Variants in KCND2 observed in about 807,000 individuals in gnomAD.
KCND2 encodes the protein A-type voltage-gated potassium channel KCND2.
In KCND2, 16 loss-of-function variants were observed where a neutral mutation model predicts 54.4. The ratio of observed to expected loss-of-function variants is 0.29; its 90% CI spans 0.20 to 0.45. KCND2 has a LOEUF of 0.45. Among genes scored for constraint, KCND2 ranks in the 20% least tolerant of loss-of-function variants. The probability of loss-of-function intolerance (pLI) is 1.00; values close to 1 mark genes in which losing one functional copy is unlikely to be tolerated. For missense variants in KCND2, 486 were observed against 824.2 expected (o/e 0.59, Z 5.02); for synonymous variants, 317 against 310.7 (o/e 1.02, Z -0.21).
intron 1 of KCND2, among the ~76,000 whole-genome samples, chr7:120,286,093 T>C (rs1799338010): frequency 6.6e-6 from 1 of 151,914 alleles, no homozygotes; most frequent in African/African-American, 2.4e-5. Context: ...ATACACTATA[T>C]TAAGCAAAAA....
intron 1 of KCND2, among the ~76,000 whole-genome samples, chr7:120,428,353 C>T (rs988311521): frequency 6.6e-6 from 1 of 152,068 alleles, no homozygotes; most frequent in Non-Finnish European, 1.5e-5. Flanking sequence ...GGTGCGAATA[C>T]TATGGAAACA....
chr7:120,595,755 T>C (rs1223399723), intron 1 of KCND2, among the ~76,000 whole-genome samples: 1 of 151,852 alleles, frequency 6.6e-6, no homozygotes, highest in Non-Finnish European at 1.5e-5. Context: ...ATAATTGAAC[T>C]TTAAAATGAT....
At chr7:120,447,365 AG>A (rs1432858600) in intron 1 of KCND2, among the ~76,000 whole-genome samples, 2 of 151,270 alleles carry the variant, frequency 1.3e-5, no homozygotes, top group Admixed American at 6.6e-5. Context: ...AAAAAAAAAA[AG>A]AAAAAAAAAA....
chr7:120,501,519 T>G (rs802351), intron 1 of KCND2, among the ~76,000 whole-genome samples: 43,923 of 152,036 alleles, frequency 0.29, 9,006 homozygotes, highest in African/African-American at 0.57. Context: ...AATGCCCTCT[T>G]CCCTTTCAGA....
intron 1 of KCND2, among the ~76,000 whole-genome samples, chr7:120,704,478 A>G (rs950492603): frequency 6.6e-6 from 1 of 152,160 alleles, no homozygotes; most frequent in Non-Finnish European, 1.5e-5. Context: ...TTCAAAGGCA[A>G]TTCCTGCTCA....
At chr7:120,700,056 G>C (rs1204063863) in intron 1 of KCND2, among the ~76,000 whole-genome samples, 2 of 152,136 alleles carry the variant, frequency 1.3e-5, no homozygotes, top group Admixed American at 6.6e-5. Context: ...TGAAAATTAA[G>C]AGAGCTTCAG....
chr7:120,687,931 G>T (rs1350370601), intron 1 of KCND2, among the ~76,000 whole-genome samples: 2 of 152,086 alleles, frequency 1.3e-5, no homozygotes, highest in African/African-American at 4.8e-5. Flanking sequence ...ACTCTTGATT[G>T]CATAATAAGG....
chr7:120,413,502 C>T (rs1032529100), intron 1 of KCND2, among the ~76,000 whole-genome samples: 22 of 151,770 alleles, frequency 1.4e-4, no homozygotes, highest in Non-Finnish European at 2.9e-5. Context: ...AATATATGTA[C>T]ATATGCATAC....
intron 1 of KCND2, among the ~76,000 whole-genome samples, chr7:120,366,638 C>T (rs1193875590): frequency 1.3e-5 from 2 of 152,164 alleles, no homozygotes; most frequent in African/African-American, 4.8e-5. Context: ...TGCTGCTCCC[C>T]GCGTTCCTGC....
At chr7:120,714,651 A>G (rs1292689785) in intron 1 of KCND2, among the ~76,000 whole-genome samples, 2 of 152,132 alleles carry the variant, frequency 1.3e-5, no homozygotes, top group Admixed American at 6.6e-5. Context: ...ATGAAATAGA[A>G]CATAAAATTA....
intron 1 of KCND2, among the ~76,000 whole-genome samples, chr7:120,626,914 C>A (rs1049796970): frequency 1.3e-5 from 2 of 152,150 alleles, no homozygotes; most frequent in African/African-American, 4.8e-5. Flanking sequence ...AATCCTCGGG[C>A]CTGTTTTCTC....
At position 120,509,907 on chromosome 7, in the gene KCND2, C is replaced by A. The variant is rs534813277; in HGVS notation, c.1116-222996C>A. On this transcript the variant is annotated intron_variant, in intron 1 of 5. Coordinates refer to ENST00000331113, the MANE Select transcript of KCND2 (RefSeq NM_012281.3). Reference sequence around the variant, plus strand: ...ATAAGCTTTGGTTCATTCTTCTAGCCAAACACTTGCCAAATAATGGAGCTA... The same window carrying A: ...ATAAGCTTTGGTTCATTCTTCTAGCAAAACACTTGCCAAATAATGGAGCTA... Among the ~76,000 whole-genome samples, 4 of 152,136 alleles carry A rather than the reference C, an allele frequency of 2.6e-5. No homozygotes were observed. In the East Asian group the frequency reaches 7.8e-4, roughly 29 times the overall value.
At chr7:120,695,205 T>C (rs1792318625) in intron 1 of KCND2, among the ~76,000 whole-genome samples, 1 of 150,660 alleles carries the variant, frequency 6.6e-6, no homozygotes, top group African/African-American at 2.4e-5. Context: ...ATATTAGTTT[T>C]ATATATATTA....
intron 1 of KCND2, among the ~76,000 whole-genome samples, chr7:120,471,479 C>T (rs1802453565): frequency 6.6e-6 from 1 of 152,018 alleles, no homozygotes; most frequent in African/African-American, 2.4e-5. Context: ...ATATTAATGC[C>T]ATGGGTCTGG....
Position 120,741,763 on chromosome 7 carries a change from G to A in KCND2, c.1374+134G>A, listed in dbSNP as rs112141394. ...AAACAACAAAAGTGTGTTTGTTTGT[G>A]TTTTTTTAATAACTTCACCCTGTAC... is the stretch of plus-strand genomic sequence containing the variant. On this transcript the variant is annotated intron_variant, in intron 3 of 5. Coordinates refer to ENST00000331113, the MANE Select transcript of KCND2 (RefSeq NM_012281.3). The A allele has an allele frequency of 1.1e-3, 841 of 740,670 alleles. 3 individuals carry two copies. In the African/African-American group the frequency reaches 0.013, roughly 12 times the overall value. 45.9% of individuals were successfully genotyped at this position (740,670 alleles called of 1,614,324 possible).
intron 1 of KCND2, among the ~76,000 whole-genome samples, chr7:120,549,327 A>G (rs572026453): frequency 5.9e-5 from 9 of 152,302 alleles, no homozygotes; most frequent in Middle Eastern, 3.4e-3. Flanking sequence ...ACAAGGATTT[A>G]TAGAAATTAG....
At chr7:120,669,483 G>GAT (rs1022809669) in intron 1 of KCND2, among the ~76,000 whole-genome samples, 54 of 151,998 alleles carry the variant, frequency 3.6e-4, no homozygotes, top group African/African-American at 1.0e-3. Flanking sequence ...TGGTGCCCTG[G>GAT]ATATATATAA....
At position 120,481,749 on chromosome 7, in the gene KCND2, A is replaced by G. The variant is rs543352344; in HGVS notation, c.1115+206002A>G. 5.9e-5 allele frequency among the ~76,000 whole-genome samples: 9 copies of G among 152,212 alleles called. No individual in the cohort carries two copies. The South Asian group carries it at 6.2e-4, about 11-fold the overall frequency. On this transcript the variant is annotated intron_variant, in intron 1 of 5. Transcript: ENST00000331113. Reference sequence around the variant, plus strand: ...GGACCCAGGTGTAGTTGAATCCACTACTTCAGAAGGTACAAGCTGTAAATT... The same window carrying G: ...GGACCCAGGTGTAGTTGAATCCACTGCTTCAGAAGGTACAAGCTGTAAATT...
At chr7:120,364,884 G>C (rs1395157910) in intron 1 of KCND2, among the ~76,000 whole-genome samples, 1 of 151,972 alleles carries the variant, frequency 6.6e-6, no homozygotes, top group African/African-American at 2.4e-5. Flanking sequence ...TTGCACAGAT[G>C]GGCCTAGGAG....
Sources: allele counts gnomAD v4.1 joint callset (sites outside exome capture counted in the v4.1 genomes callset), GRCh38; gene constraint gnomAD v4.1.1; transcripts MANE v1.5; gene names NCBI Gene and HGNC (gene_info 2026-07-23, HGNC 2026-07-21).